Variants in TNRC6B observed in about 807,000 individuals in gnomAD.
TNRC6B encodes the protein trinucleotide repeat-containing gene 6B protein.
A neutral mutation model predicts 203.6 loss-of-function variants in TNRC6B; 52 were observed. The ratio of observed to expected loss-of-function variants is 0.26; its 90% confidence interval spans 0.20 to 0.32. TNRC6B has a LOEUF of 0.32. TNRC6B is among the 10% of genes least tolerant of loss of function. TNRC6B has a pLI of 1.00. For missense variants in TNRC6B, 1,923 were observed against 2,286.2 expected (o/e 0.84, Z 3.24); for synonymous variants, 838 against 845.7 (o/e 0.99, Z 0.16).
chr22:40,069,568 A>G (rs903499510), intron 1 of TNRC6B, among the ~76,000 whole-genome samples: 3 of 149,000 alleles, frequency 2.0e-5, no homozygotes, highest in African/African-American at 7.5e-5. Context: ...GCTCACCGCA[A>G]CCTCCGCCTC....
At chr22:40,104,441 A>G (rs1235205282) in intron 1 of TNRC6B, among the ~76,000 whole-genome samples, 1 of 152,192 alleles carries the variant, frequency 6.6e-6, no homozygotes, top group African/African-American at 2.4e-5. Context: ...TACACACAGG[A>G]TAGAGCAGCA....
At chr22:40,273,866 G>A (rs2070600522) in intron 7 of TNRC6B, among the ~76,000 whole-genome samples, 1 of 152,012 alleles carries the variant, frequency 6.6e-6, no homozygotes, top group Non-Finnish European at 1.5e-5. Flanking sequence ...TGCCAGGATG[G>A]TCTCAAACTC....
intron 4 of TNRC6B, among the ~76,000 whole-genome samples, chr22:40,262,617 A>C (rs1298536182): frequency 6.6e-6 from 1 of 152,236 alleles, no homozygotes; most frequent in Non-Finnish European, 1.5e-5. Flanking sequence ...GGATTCTAAA[A>C]TAATACTATA....
chr22:40,208,222 A>G (rs1255947990), intron 1 of TNRC6B, among the ~76,000 whole-genome samples: 1 of 152,056 alleles, frequency 6.6e-6, no homozygotes, highest in African/African-American at 2.4e-5. Flanking sequence ...TGTTGAAACC[A>G]CTTTGGAAAA....
chr22:40,268,113 A>T (rs1243645047), intron 5 of TNRC6B, among the ~76,000 whole-genome samples: 1 of 152,102 alleles, frequency 6.6e-6, no homozygotes. Context: ...TTTGAGACAG[A>T]GTCTCACTCT....
At chr22:40,132,971 T>A (rs59908062) in intron 3 of TNRC6B, among the ~76,000 whole-genome samples, 1,857 of 94,572 alleles carry the variant, frequency 0.02, 95 homozygotes, top group Middle Eastern at 0.057. Flanking sequence ...AAAAAAAAAA[T>A]ATATATATAT....
At chr22:40,161,327 T>C (rs1407598485) in intron 4 of TNRC6B, among the ~76,000 whole-genome samples, 3 of 152,248 alleles carry the variant, frequency 2.0e-5, no homozygotes, top group Non-Finnish European at 1.5e-5. Flanking sequence ...TTCTCATTCA[T>C]TGGTATTAGC....
At chr22:40,162,620 A>C (rs914440875) in intron 4 of TNRC6B, among the ~76,000 whole-genome samples, 3 of 152,144 alleles carry the variant, frequency 2.0e-5, no homozygotes, top group Non-Finnish European at 4.4e-5. Flanking sequence ...TAACGTTTTA[A>C]TTTTGTGTAT....
chr22:40,294,434 A>G (rs2146539223), intron 12 of TNRC6B, among the ~76,000 whole-genome samples: 1 of 152,292 alleles, frequency 6.6e-6, no homozygotes, highest in African/African-American at 2.4e-5. Flanking sequence ...TCATATGAGG[A>G]CACCAGTTAA....
chr22:40,158,592 T>C (rs2068840760), intron 4 of TNRC6B, among the ~76,000 whole-genome samples: 1 of 152,202 alleles, frequency 6.6e-6, no homozygotes, highest in South Asian at 2.1e-4. Flanking sequence ...AGTTTTATGT[T>C]ATACAAACTG....
intron 1 of TNRC6B, among the ~76,000 whole-genome samples, chr22:40,097,605 G>C (rs2068195786): frequency 6.7e-6 from 1 of 148,680 alleles, no homozygotes; most frequent in African/African-American, 2.5e-5. Context: ...TCTGCCAAAG[G>C]TACCTATTTT....
chr22:40,300,022 A>G (rs537697438), intron 12 of TNRC6B, among the ~76,000 whole-genome samples: 4 of 152,324 alleles, frequency 2.6e-5, no homozygotes, highest in Non-Finnish European at 5.9e-5. Flanking sequence ...CATGTCTTCT[A>G]TTTACAAGTT....
intron 3 of TNRC6B, among the ~76,000 whole-genome samples, chr22:40,139,141 T>C (rs1362398859): frequency 2.0e-5 from 3 of 152,048 alleles, no homozygotes; most frequent in Non-Finnish European, 4.4e-5. Context: ...AATCTTTCCA[T>C]CTCTACAGAA....
intron 21 of TNRC6B, among the ~76,000 whole-genome samples, chr22:40,317,372 G>A (rs980273192): frequency 6.6e-6 from 1 of 152,158 alleles, no homozygotes; most frequent in Non-Finnish European, 1.5e-5. Context: ...GAGGTCAAGA[G>A]GTCGAGACCA....
In TNRC6B at chr22:40,133,970, CAAAAAAAA is replaced by C. The variant is rs57924620; in HGVS notation, c.45+8128_45+8135del. Among the ~76,000 whole-genome samples, 9 of 45,976 alleles carry C rather than the reference CAAAAAAAA, an allele frequency of 2.0e-4. No individual in the cohort carries two copies. In the South Asian group the frequency reaches 8.8e-3, roughly 45 times the overall value. The allele number at this position is 45,976 out of a possible 152,430, so 30.2% of individuals were successfully genotyped here. A position where few individuals can be genotyped will look rare whatever the true frequency, so the allele number is the denominator to read the frequency against. On this transcript the variant is annotated intron_variant, in intron 3 of 23. Transcript: ENST00000301923. The stretch of plus-strand genomic sequence containing the variant: ...GGGCAACAAGAGCAAAGCTCCGTCT[CAAAAAAAA>C]AAAAAAAAAAAAAAAAAAACAGGTA...
intron 7 of TNRC6B, among the ~76,000 whole-genome samples, chr22:40,275,908 G>A (rs1435995328): frequency 1.3e-5 from 2 of 151,530 alleles, no homozygotes; most frequent in African/African-American, 4.9e-5. Flanking sequence ...GCAGTGAGCC[G>A]AGATCGCGCC....
chr22:40,308,170 A>G (rs532818542), intron 15 of TNRC6B, among the ~76,000 whole-genome samples: 5 of 152,244 alleles, frequency 3.3e-5, no homozygotes, highest in African/African-American at 9.6e-5. Flanking sequence ...CTGTTGCGCT[A>G]CATTGGCTGG....
At chr22:40,135,138 G>A (rs1019230305) in intron 3 of TNRC6B, among the ~76,000 whole-genome samples, 2 of 152,176 alleles carry the variant, frequency 1.3e-5, no homozygotes, top group Admixed American at 1.3e-4. Flanking sequence ...ACAGCATGGT[G>A]GCAGGGATTC....
At chr22:40,147,921 C>G (rs754887114) in intron 3 of TNRC6B, among the ~76,000 whole-genome samples, 1 of 152,136 alleles carries the variant, frequency 6.6e-6, no homozygotes, top group African/African-American at 2.4e-5. Context: ...TAAGTAGTTT[C>G]TTTTGGAATG....
Sources: allele counts gnomAD v4.1 joint callset (sites outside exome capture counted in the v4.1 genomes callset), GRCh38; gene constraint gnomAD v4.1.1; transcripts MANE v1.5; gene names NCBI Gene and HGNC (gene_info 2026-07-23, HGNC 2026-07-21).